The following CTNNA3 variants were observed in gnomAD, a reference collection of about 807,000 sequenced individuals.
The protein encoded by CTNNA3 is catenin alpha 3.
CTNNA3 carries 76 observed loss-of-function variants against 95.7 expected under a neutral mutation model. That is an observed-to-expected ratio of 0.79 (90% CI 0.66 to 0.96). The LOEUF (loss-of-function observed/expected upper bound fraction) is 0.96. Ranked by LOEUF, CTNNA3 falls within the 40% of genes least tolerant of loss-of-function variation. The pLI, the probability that CTNNA3 is intolerant of heterozygous loss-of-function variation, is 0.00. For missense variants in CTNNA3, 1,191 were observed against 1,089.8 expected (o/e 1.09, Z -1.31); for synonymous variants, 431 against 374.4 (o/e 1.15, Z -1.74).
chr10:67,547,091 T>A (rs12246564), intron 3 of CTNNA3, among the ~76,000 whole-genome samples: 6,382 of 152,228 alleles, frequency 0.042, 153 homozygotes, highest in South Asian at 0.1. Context: ...CTCCACCAGG[T>A]ACCCTCAAAT....
At chr10:66,847,005 G>A (rs1843307337) in intron 7 of CTNNA3, among the ~76,000 whole-genome samples, 1 of 152,176 alleles carries the variant, frequency 6.6e-6, no homozygotes, top group South Asian at 2.1e-4. Context: ...ACTTTGAATA[G>A]TGAGCTTGAA....
intron 1 of CTNNA3, among the ~76,000 whole-genome samples, chr10:67,662,329 C>T (rs536904355): frequency 6.6e-6 from 1 of 152,242 alleles, no homozygotes; most frequent in East Asian, 1.9e-4. Context: ...TGTGAATGTG[C>T]TCACTCATTC....
chr10:66,906,696 T>C (rs1846001860), intron 7 of CTNNA3, among the ~76,000 whole-genome samples: 1 of 152,112 alleles, frequency 6.6e-6, no homozygotes, highest in East Asian at 1.9e-4. Context: ...TGTTGACTGG[T>C]ATTTGATTCG....
At chr10:66,642,327 C>G (rs1845548868) in intron 9 of CTNNA3, among the ~76,000 whole-genome samples, 1 of 150,990 alleles carries the variant, frequency 6.6e-6, no homozygotes, top group Non-Finnish European at 1.5e-5. Context: ...TCAAATCTTA[C>G]ATTCCCTCCA....
intron 10 of CTNNA3, among the ~76,000 whole-genome samples, chr10:66,579,644 G>A (rs529211814): frequency 6.6e-6 from 1 of 151,810 alleles, no homozygotes; most frequent in East Asian, 1.9e-4. Context: ...AACCAAGATA[G>A]TCATTCTTTT....
intron 7 of CTNNA3, among the ~76,000 whole-genome samples, chr10:66,844,817 C>T (rs1412094294): frequency 6.6e-6 from 1 of 152,214 alleles, no homozygotes; most frequent in African/African-American, 2.4e-5. Flanking sequence ...CACTTGTTTG[C>T]AATATTTGTT....
chr10:66,788,612 T>C (rs1840842252), intron 7 of CTNNA3, among the ~76,000 whole-genome samples: 1 of 152,116 alleles, frequency 6.6e-6, no homozygotes, highest in African/African-American at 2.4e-5. Flanking sequence ...AAGCTGAGGA[T>C]ATTAACTCCT....
chr10:67,703,554 G>C (rs1401126949), intron 1 of CTNNA3, among the ~76,000 whole-genome samples: 1 of 152,226 alleles, frequency 6.6e-6, no homozygotes, highest in Admixed American at 6.5e-5. Flanking sequence ...ATGCAGAAAA[G>C]GCTTTTGACA....
rs190591226 is a variant in CTNNA3 at position 67,503,929 on chromosome 10, G to A, written c.579+17913C>T. Reference sequence around the variant, plus strand: ...TCCCAGCACTTTGGGAGGCCAAGGCGGGCGGATCACAAGGTCAGGAGATCA... The same window carrying A: ...TCCCAGCACTTTGGGAGGCCAAGGCAGGCGGATCACAAGGTCAGGAGATCA... On this transcript the variant is annotated intron_variant, in intron 5 of 17. Transcript: ENST00000433211. Among the ~76,000 whole-genome samples, 24 of 152,156 alleles carry A rather than the reference G, an allele frequency of 1.6e-4. No homozygotes were observed. The South Asian group carries it at 3.5e-3, about 22-fold the overall frequency.
At chr10:67,318,483 T>C (rs1417689619) in intron 5 of CTNNA3, among the ~76,000 whole-genome samples, 1 of 152,154 alleles carries the variant, frequency 6.6e-6, no homozygotes, top group Non-Finnish European at 1.5e-5. Context: ...CTTTCCCCAG[T>C]AAAATGCACA....
At chr10:66,432,716 AC>A (rs2093307556) in intron 11 of CTNNA3, among the ~76,000 whole-genome samples, 1 of 151,470 alleles carries the variant, frequency 6.6e-6, no homozygotes, top group Non-Finnish European at 1.5e-5. Context: ...CAGCTTTGTT[AC>A]ATAGGCATAC....
intron 10 of CTNNA3, among the ~76,000 whole-genome samples, chr10:66,590,025 G>T (rs1843495142): frequency 6.6e-6 from 1 of 151,940 alleles, no homozygotes; most frequent in South Asian, 2.1e-4. Context: ...AAAAAAGTTT[G>T]GTAGCCTAAA....
chr10:67,300,098 C>A (rs1448618500), intron 5 of CTNNA3, among the ~76,000 whole-genome samples: 2 of 152,284 alleles, frequency 1.3e-5, no homozygotes, highest in Non-Finnish European at 1.5e-5. Flanking sequence ...ATTAGAAATT[C>A]TGGAGGTGGG....
intron 17 of CTNNA3, among the ~76,000 whole-genome samples, chr10:65,933,038 T>C (rs2077278720): frequency 6.6e-6 from 1 of 152,166 alleles, no homozygotes. Context: ...ATAGACTGAA[T>C]GGTGCGTGTA....
intron 9 of CTNNA3, among the ~76,000 whole-genome samples, chr10:66,753,465 C>A (rs1274633946): frequency 6.6e-6 from 1 of 152,016 alleles, no homozygotes; most frequent in East Asian, 1.9e-4. Flanking sequence ...GAGTTCAAAA[C>A]CAGTCTGGCC....
chr10:66,461,156 A>G (rs979824679), intron 11 of CTNNA3, among the ~76,000 whole-genome samples: 1 of 152,126 alleles, frequency 6.6e-6, no homozygotes, highest in Admixed American at 6.6e-5. Flanking sequence ...AGTACAAAGT[A>G]GACATGCTTG....
intron 13 of CTNNA3, among the ~76,000 whole-genome samples, chr10:66,204,184 C>T (rs185221945): frequency 1.3e-5 from 2 of 152,116 alleles, no homozygotes; most frequent in Admixed American, 6.6e-5. Context: ...GAACTACTCA[C>T]ATTACTTCAT....
chr10:66,991,939 A>C (rs565676185), intron 7 of CTNNA3, among the ~76,000 whole-genome samples: 117 of 152,278 alleles, frequency 7.7e-4, no homozygotes, highest in African/African-American at 2.6e-3. Flanking sequence ...ATTAACCTTC[A>C]TACCTCCCCT....
At position 66,927,593 on chromosome 10, in the gene CTNNA3, C is replaced by T; in HGVS notation, c.1048-152069G>A. The T allele has an allele frequency of 5.0e-6, 8 of 1,614,130 alleles. No homozygotes were observed. The highest frequency in any genetic ancestry group is 1.3e-5 in the African/African-American group (1 of 75,044). On this transcript the variant is annotated intron_variant, in intron 7 of 17. Coordinates refer to ENST00000433211, the MANE Select transcript of CTNNA3 (RefSeq NM_013266.4). The surrounding 1 kb of genome is among the most constrained non-coding windows in gnomAD (Gnocchi z 4.7). ...TCCAAGCTCAACCTGGCCCTTTTTCCAAGGTTGGTCAGCCTTCAGAACCTT... is the reference window on the plus strand; with the variant it reads ...TCCAAGCTCAACCTGGCCCTTTTTCTAAGGTTGGTCAGCCTTCAGAACCTT...
Sources: gnomAD v4.1 joint callset for allele counts (sites outside exome capture counted in the v4.1 genomes callset) on GRCh38, gnomAD v4.1.1 for gene constraint, Gnocchi (gnomAD v3.1) non-coding constraint, MANE v1.5 for transcripts, NCBI Gene and HGNC (gene_info 2026-07-23, HGNC 2026-07-21) for gene names.